Variants in RASEF observed in about 807,000 individuals in gnomAD.
RASEF encodes the protein ras and EF-hand domain-containing protein.
Under a neutral mutation model 90.1 loss-of-function variants are expected in RASEF, and 68 were observed. The observed-to-expected ratio is 0.75, with a 90% CI of 0.62 to 0.92. RASEF has a LOEUF of 0.92. Ranked by LOEUF, RASEF falls within the 40% of genes least tolerant of loss-of-function variation. The probability of loss-of-function intolerance (pLI) is 0.00; values close to 1 mark genes in which losing one functional copy is unlikely to be tolerated. For missense variants in RASEF, 949 were observed against 937.2 expected, an observed-to-expected ratio of 1.01 and a Z score of -0.16; for synonymous variants, 331 against 345.2, an observed-to-expected ratio of 0.96 and a Z score of 0.46.
At chr9:82,998,250 A>G in intron 13 of RASEF, 115 bp downstream of exon 13, 1 of 610,490 alleles carries the variant, frequency 1.6e-6, no homozygotes, top group Non-Finnish European at 2.9e-6. Context: ...AATTATGCAT[A>G]TAATTATAAA....
At chr9:82,984,816 A>G (rs1451047938) in intron 16 of RASEF, among the ~76,000 whole-genome samples, 1 of 152,206 alleles carries the variant, frequency 6.6e-6, no homozygotes, top group Non-Finnish European at 1.5e-5. Flanking sequence ...TGCCCAACTT[A>G]TGCCAGGCTC....
the RASEF span, among the ~76,000 whole-genome samples, chr9:83,177,909 A>AT: frequency 4.7e-3 from 716 of 152,040 alleles, 2 homozygotes; most frequent in Non-Finnish European, 8.2e-3. Flanking sequence ...GGTTGCTGGC[A>AT]TGCTTACCGA....
intron 9 of RASEF, among the ~76,000 whole-genome samples, chr9:83,003,421 A>T (rs1460244167): frequency 6.6e-6 from 1 of 152,236 alleles, no homozygotes; most frequent in East Asian, 1.9e-4. Context: ...AAAATGAATC[A>T]TGGTGAAATT....
At chr9:83,099,408 G>A in the RASEF span, among the ~76,000 whole-genome samples, 1 of 152,152 alleles carries the variant, frequency 6.6e-6, no homozygotes, top group Non-Finnish European at 1.5e-5. Flanking sequence ...AATCATAGGC[G>A]AGATCCTGTT....
intron 14 of RASEF, 35 bp downstream of exon 14, chr9:82,996,977 G>T: frequency 8.1e-7 from 1 of 1,242,108 alleles, no homozygotes; most frequent in Non-Finnish European, 1.2e-6. Flanking sequence ...AAACTTCCTC[G>T]TGTAATTTTC....
At chr9:83,094,203 A>G in the RASEF span, among the ~76,000 whole-genome samples, 31 of 151,806 alleles carry the variant, frequency 2.0e-4, 1 homozygote, top group African/African-American at 7.3e-4. Flanking sequence ...ACTGTCTAAT[A>G]TCATAGCCAT....
chr9:83,075,249 C>T, the RASEF span, among the ~76,000 whole-genome samples: 3 of 152,138 alleles, frequency 2.0e-5, no homozygotes, highest in Non-Finnish European at 4.4e-5. Flanking sequence ...TGTTAAACTG[C>T]AGTTCTCAGC....
Position 83,062,771 on chromosome 9 carries a change from A to G in RASEF, c.97T>C (p.Phe33Leu). 2 of 1,560,076 alleles carry G rather than the reference A, an allele frequency of 1.3e-6. No individual in the cohort carries two copies. Residue 33 changes from phenylalanine to leucine, a missense_variant, in exon 1 of 17, where the codon TTC becomes CTC. Phe to Leu is a conservative substitution (Grantham distance 22). This residue lies in a region of RASEF where 656 missense variants were observed against 592.2 expected (regional missense o/e 1.11). Coordinates refer to ENST00000376447, the MANE Select transcript of RASEF (RefSeq NM_152573.4). ...CGCAGCTCCGTGCACAGTGCCCGGA[A>G]CTCCTCGCGCTCCAGGCGCCCCGAG... ...NRSGRLEREEFRALCTELRVR... is the reference protein window; with the variant it reads ...NRSGRLEREELRALCTELRVR...
chr9:83,037,109 C>G (rs1829755587), intron 1 of RASEF, among the ~76,000 whole-genome samples: 1 of 152,178 alleles, frequency 6.6e-6, no homozygotes, highest in Non-Finnish European at 1.5e-5. Context: ...AGAAGGCTTA[C>G]TTACATACCA....
the RASEF span, among the ~76,000 whole-genome samples, chr9:83,199,746 G>A: frequency 6.6e-6 from 1 of 152,208 alleles, no homozygotes; most frequent in African/African-American, 2.4e-5. Context: ...GGGCATGGGT[G>A]CTGGTGAGAC....
rs761745316 is a variant in RASEF, at chr9:82,990,405, A to T, written c.2103T>A (p.Val701=). The T allele has an allele frequency of 6.2e-7, 1 of 1,613,642 alleles. No homozygotes were observed. Among genetic ancestry groups the T allele is most frequent in the Non-Finnish European group, 8.5e-7 (1 of 1,179,610 alleles). Residue 701 remains valine (V), a synonymous_variant, in exon 16 of 17, where the codon GTT becomes GTA. Coordinates refer to ENST00000376447, the MANE Select transcript of RASEF (RefSeq NM_152573.4). The part of the protein sequence containing the change: ...AKDGSNIVEA[V]LHLAREVKKR... ...CCAAACTTTACCGAGCAAGGTGCAGAACAGCCTCCACTATGTTAGAACCAT... is the reference window on the plus strand; with the variant it reads ...CCAAACTTTACCGAGCAAGGTGCAGTACAGCCTCCACTATGTTAGAACCAT...
chr9:83,216,421 G>A, the RASEF span, among the ~76,000 whole-genome samples: 1 of 152,180 alleles, frequency 6.6e-6, no homozygotes, highest in African/African-American at 2.4e-5. Flanking sequence ...TGGCTAACAG[G>A]GCCCAAGGTA....
the RASEF span, among the ~76,000 whole-genome samples, chr9:83,169,958 T>C: frequency 1.3e-5 from 2 of 152,082 alleles, no homozygotes; most frequent in African/African-American, 4.8e-5. Context: ...ATTTTTTTCT[T>C]TTGTTGCCTG....
chr9:83,137,386 T>C, the RASEF span, among the ~76,000 whole-genome samples: 2 of 152,222 alleles, frequency 1.3e-5, no homozygotes, highest in African/African-American at 4.8e-5. Flanking sequence ...AAGATAATAA[T>C]CATAACAACT....
chr9:82,999,473 C>T (rs1828982716), intron 12 of RASEF, among the ~76,000 whole-genome samples: 2 of 152,184 alleles, frequency 1.3e-5, no homozygotes, highest in Admixed American at 1.3e-4. Context: ...CAGCCTTCTT[C>T]ATGGTGTATC....
At chr9:83,011,459 G>A (rs867958877) in intron 5 of RASEF, among the ~76,000 whole-genome samples, 1 of 142,672 alleles carries the variant, frequency 7.0e-6, no homozygotes, top group African/African-American at 2.6e-5. Flanking sequence ...GGCTGAGGCA[G>A]GAGAATCACT....
intron 1 of RASEF, chr9:83,055,634 T>G: frequency 1.4e-6 from 1 of 718,164 alleles, no homozygotes. Context: ...CACAGTGTTA[T>G]GAGATGCCTC....
At chr9:83,049,787 C>A (rs1367096489) in intron 1 of RASEF, among the ~76,000 whole-genome samples, 23 of 97,656 alleles carry the variant, frequency 2.4e-4, no homozygotes, top group Non-Finnish European at 3.3e-4. Context: ...TGAGAATATG[C>A]GGTGTTTGGT....
Position 83,007,503 on chromosome 9 carries a change from T to C in RASEF, c.962A>G (p.Asp321Gly), listed in dbSNP as rs752284174. ...YADQSLNTER[D>G]LEIIRAYTED... ...TGTGTATGCTCGGATTATTTCCAGA[T>C]CCCTGTAAAATTGTATTTTATGTTT... Residue 321 changes from aspartate to glycine, a missense_variant and splice_region_variant, in exon 7 of 17, where the codon GAT becomes GGT. Asp to Gly is a moderately conservative substitution (Grantham distance 94). This residue lies in a region of RASEF where 656 missense variants were observed against 592.2 expected (regional missense o/e 1.11). Coordinates refer to ENST00000376447, the MANE Select transcript of RASEF (RefSeq NM_152573.4). 1.9e-6 allele frequency: 3 copies of C among 1,611,338 alleles called. No individual in the cohort carries two copies. The African/African-American group carries it at 4.0e-5, about 22-fold the overall frequency.
Sources: allele counts gnomAD v4.1 joint callset (sites outside exome capture counted in the v4.1 genomes callset), GRCh38; gene constraint gnomAD v4.1.1; regional missense constraint gnomAD v4.1.1; transcripts MANE v1.5; gene names NCBI Gene and HGNC (gene_info 2026-07-23, HGNC 2026-07-21).